The following SUGT1 variants were observed in gnomAD, a reference collection of about 807,000 sequenced individuals.
SUGT1 encodes the protein protein SGT1 homolog.
SUGT1 carries 15 observed loss-of-function variants against 56.1 expected under a neutral mutation model. That is an observed-to-expected ratio of 0.27 (90% CI 0.18 to 0.41). The LOEUF is 0.41. SUGT1 is among the 10% of genes least tolerant of loss of function. The probability of loss-of-function intolerance (pLI) is 1.00; values close to 1 mark genes in which losing one functional copy is unlikely to be tolerated. For synonymous variants in SUGT1, 123 were observed against 128.6 expected, an observed-to-expected ratio of 0.96 and a Z score of 0.30; for missense variants, 347 against 382.2, an observed-to-expected ratio of 0.91 and a Z score of 0.77.
chr13:52,653,815 TTTTG>T (rs1339078670), intron 2 of SUGT1, among the ~76,000 whole-genome samples: 2 of 151,094 alleles, frequency 1.3e-5, no homozygotes, highest in African/African-American at 4.8e-5. Flanking sequence ...AGCCAGGAGT[TTTTG>T]TTTGTTTTTG....
rs1476653812 is a variant in SUGT1 at position 52,665,641 on chromosome 13, G to A, written c.427G>A (p.Asp143Asn). 6.4e-7 allele frequency: 1 copy of A among 1,559,876 alleles called. No individual in the cohort carries two copies. Among genetic ancestry groups the A allele is most frequent in the East Asian group, 2.3e-5 (1 of 43,548 alleles). The change falls in exon 9 of 13, where the codon GAC becomes AAC. Residue 143 changes from aspartate to asparagine, a missense_variant. Coordinates refer to ENST00000310528, the MANE Select transcript of SUGT1 (RefSeq NM_006704.5). ...VWTHQSKIKY[D>N]WYQTESQVVI... ...TTTCTTTTTTTTTTTTAATAGGTATGACTGGTATCAAACAGAATCTCAAGT... is the reference window on the plus strand; with the variant it reads ...TTTCTTTTTTTTTTTTAATAGGTATAACTGGTATCAAACAGAATCTCAAGT...
At chr13:52,654,098 C>T (rs1280251887) in intron 2 of SUGT1, among the ~76,000 whole-genome samples, 2 of 152,126 alleles carry the variant, frequency 1.3e-5, no homozygotes, top group Non-Finnish European at 2.9e-5. Context: ...CAAAAAGGCC[C>T]TTTTTATTAG....
chr13:52,670,424 C>T (rs1398300261), intron 10 of SUGT1, among the ~76,000 whole-genome samples: 6 of 152,112 alleles, frequency 3.9e-5, no homozygotes, highest in Admixed American at 1.3e-4. Flanking sequence ...TGACACTATT[C>T]TCTGGTCACA....
rs553524972 is a variant in SUGT1, at chr13:52,699,841, G to A, written c.*12006G>A. On this transcript the variant is annotated 3_prime_UTR_variant, in exon 13 of 13. Transcript: ENST00000310528. ...ATAGAAATCCTGTTTTTTTAAAAAA[G>A]TAATTTCAAGTAAGTTTGCAAATGC... is the stretch of plus-strand genomic sequence containing the variant. 6.6e-6 allele frequency: 1 copy of A among 152,274 alleles called. No homozygotes were observed. Among genetic ancestry groups the A allele is most frequent in the South Asian group, 2.1e-4 (1 of 4,822 alleles). 9.4% of individuals were successfully genotyped at this position (152,274 alleles called of 1,614,324 possible).
rs959013517 is a variant in SUGT1 at position 52,700,233 on chromosome 13, A to G, written c.*12398A>G. 1.3e-5 allele frequency: 2 copies of G among 152,200 alleles called. No individual in the cohort carries two copies. Among genetic ancestry groups the G allele is most frequent in the African/African-American group, 2.4e-5 (1 of 41,458 alleles). The allele number at this position is 152,200 out of a possible 1,614,324, so 9.4% of individuals were successfully genotyped here. On this transcript the variant is annotated 3_prime_UTR_variant, in exon 13 of 13. Coordinates refer to ENST00000310528, the MANE Select transcript of SUGT1 (RefSeq NM_006704.5). ...AACATACACCCAAATAAAGACTGCT[A>G]TGTATTTGACTTTAAAACTATAAAG...
chr13:52,656,250 C>A (rs1253848570), intron 2 of SUGT1, among the ~76,000 whole-genome samples: 1 of 152,206 alleles, frequency 6.6e-6, no homozygotes, highest in African/African-American at 2.4e-5. Context: ...ACATACAGAT[C>A]TAGGCAAGCC....
Position 52,698,168 on chromosome 13 carries a change from C to T in SUGT1, c.*10333C>T, listed in dbSNP as rs1963989993. 1 of 152,136 alleles carries T rather than the reference C, an allele frequency of 6.6e-6. No homozygotes were observed. Among genetic ancestry groups the T allele is most frequent in the Non-Finnish European group, 1.5e-5 (1 of 68,022 alleles). 9.4% of individuals were successfully genotyped at this position (152,136 alleles called of 1,614,324 possible). Reference sequence around the variant, plus strand: ...ATCAACAGAGCATGTTTTTATGGGCCATCTGACAAGACTAGAGGTAGCTTT... The same window carrying T: ...ATCAACAGAGCATGTTTTTATGGGCTATCTGACAAGACTAGAGGTAGCTTT... On this transcript the variant is annotated 3_prime_UTR_variant, in exon 13 of 13. Coordinates refer to ENST00000310528, the MANE Select transcript of SUGT1 (RefSeq NM_006704.5).
chr13:52,663,125 T>G lies in SUGT1; in HGVS notation c.399+13T>G, dbSNP rs1413806435. 1 of 1,606,806 alleles carries G rather than the reference T, an allele frequency of 6.2e-7. No individual in the cohort carries two copies. The highest frequency in any genetic ancestry group is 8.5e-7 in the Non-Finnish European group (1 of 1,177,242). The stretch of plus-strand genomic sequence containing the variant: ...AGAATCTGAGGTGGTAAGTCCAAAG[T>G]TTTCATTCTTCATGTTTTTATTATT... On this transcript the variant is annotated intron_variant, in intron 7 of 12. Coordinates refer to ENST00000310528, the MANE Select transcript of SUGT1 (RefSeq NM_006704.5).
At chr13:52,669,560 T>C (rs1040057436) in intron 10 of SUGT1, among the ~76,000 whole-genome samples, 2 of 152,222 alleles carry the variant, frequency 1.3e-5, no homozygotes, top group African/African-American at 4.8e-5. Context: ...CTAGGAGACG[T>C]AGATACACTT....
chr13:52,681,291 G>A (rs77741693), intron 12 of SUGT1, among the ~76,000 whole-genome samples: 2,057 of 150,794 alleles, frequency 0.014, 47 homozygotes, highest in African/African-American at 0.048. Flanking sequence ...GGTGGCATGT[G>A]TCTGTGGTCT....
intron 5 of SUGT1, among the ~76,000 whole-genome samples, chr13:52,661,802 A>AT (rs1962469876): frequency 6.6e-6 from 1 of 152,162 alleles, no homozygotes; most frequent in African/African-American, 2.4e-5. Context: ...GTGTATTTAA[A>AT]TTTTTTATTA....
chr13:52,654,012 A>G (rs1304946089), intron 2 of SUGT1, among the ~76,000 whole-genome samples: 4 of 152,226 alleles, frequency 2.6e-5, no homozygotes, highest in Non-Finnish European at 5.9e-5. Context: ...AGCTCTGGGG[A>G]AAGAATATTC....
At chr13:52,659,623 G>T (rs1159364260) in intron 5 of SUGT1, among the ~76,000 whole-genome samples, 1 of 151,552 alleles carries the variant, frequency 6.6e-6, no homozygotes, top group Non-Finnish European at 1.5e-5. Context: ...AACATTAAAG[G>T]TTTTTATGGA....
chr13:52,666,721 C>T (rs1424300504), intron 9 of SUGT1, 91 bp from the exon 10 acceptor site: 3 of 806,626 alleles, frequency 3.7e-6, no homozygotes, highest in East Asian at 5.3e-5. Flanking sequence ...TAATTTGTAA[C>T]ATTATTGAAG....
chr13:52,690,860 A>G lies in SUGT1; in HGVS notation c.*3025A>G, dbSNP rs1232013785. On this transcript the variant is annotated 3_prime_UTR_variant, in exon 13 of 13. Transcript: ENST00000310528. ...ATTAATAACTCTAGTTTTTAAAAAC[A>G]TTTTTATTCCTTTTTTAAAAATTTG... 1 of 152,170 alleles carries G rather than the reference A, an allele frequency of 6.6e-6. No homozygotes were observed. Among genetic ancestry groups the G allele is most frequent in the Non-Finnish European group, 1.5e-5 (1 of 68,036 alleles). The allele number at this position is 152,170 out of a possible 1,614,324, so 9.4% of individuals were successfully genotyped here. A position where few individuals can be genotyped will look rare whatever the true frequency, so the allele number is the denominator to read the frequency against.
At chr13:52,667,551 G>T (rs934037966) in intron 10 of SUGT1, among the ~76,000 whole-genome samples, 6 of 138,036 alleles carry the variant, frequency 4.3e-5, no homozygotes, top group African/African-American at 1.7e-4. Flanking sequence ...TCACCATATT[G>T]GCCAGGCAGG....
At chr13:52,657,162 A>C (rs1594228196) in intron 2 of SUGT1, among the ~76,000 whole-genome samples, 1 of 152,160 alleles carries the variant, frequency 6.6e-6, no homozygotes, top group African/African-American at 2.4e-5. Flanking sequence ...AGGAATCTCA[A>C]ATTCTATATG....
rs1963720555 is a variant in SUGT1 at position 52,689,711 on chromosome 13, G to A, written c.*1876G>A. 1.3e-5 allele frequency: 2 copies of A among 152,194 alleles called. No homozygotes were observed. The highest frequency in any genetic ancestry group is 1.3e-4 in the Admixed American group (2 of 15,268). The allele number at this position is 152,194 out of a possible 1,614,324, so 9.4% of individuals were successfully genotyped here. On this transcript the variant is annotated 3_prime_UTR_variant, in exon 13 of 13. Coordinates refer to ENST00000310528, the MANE Select transcript of SUGT1 (RefSeq NM_006704.5). ...TGACCAGGTGCAGTAGCTCATGCTT[G>A]TAATCCCAGCATTTTGGGAGGCGGA...
chr13:52,687,456 G>A (rs113605210), intron 12 of SUGT1: 3,196 of 199,240 alleles, frequency 0.016, 79 homozygotes, highest in Admixed American at 0.079. Context: ...AGCAAAGGAT[G>A]TAGTGCACCT....
Sources: allele counts gnomAD v4.1 joint callset (sites outside exome capture counted in the v4.1 genomes callset), GRCh38; gene constraint gnomAD v4.1.1; transcripts MANE v1.5; gene names NCBI Gene and HGNC (gene_info 2026-07-23, HGNC 2026-07-21).